The following NBAS variants were observed in gnomAD, a reference collection of about 807,000 sequenced individuals.
NBAS encodes NAG/BC035112 fusion.
NBAS carries 219 observed loss-of-function variants against 302.5 expected under a neutral mutation model. The observed-to-expected ratio is 0.72, with a 90% CI of 0.65 to 0.81. NBAS has a LOEUF of 0.81. NBAS is among the 30% of genes least tolerant of loss of function. The probability of loss-of-function intolerance (pLI) is 0.00; values close to 1 mark genes in which losing one functional copy is unlikely to be tolerated. For missense variants in NBAS, 2,932 were observed against 2,841.6 expected (o/e 1.03, Z -0.72); for synonymous variants, 1,118 against 1,021.6 (o/e 1.09, Z -1.80).
chr2:15,294,731 C>G (rs1337952498), intron 40 of NBAS, among the ~76,000 whole-genome samples: 2 of 152,164 alleles, frequency 1.3e-5, no homozygotes, highest in Non-Finnish European at 2.9e-5. Flanking sequence ...GACCAAATAT[C>G]CAATGATCAT....
At chr2:15,112,724 C>T in the NBAS span, among the ~76,000 whole-genome samples, 4 of 64,256 alleles carry the variant, frequency 6.2e-5, no homozygotes, top group Non-Finnish European at 1.3e-4. Flanking sequence ...AGTGGAGTAA[C>T]ATATTTGAAA....
chr2:15,513,603 TG>T (rs1662243146), intron 9 of NBAS, among the ~76,000 whole-genome samples: 1 of 148,926 alleles, frequency 6.7e-6, no homozygotes, highest in African/African-American at 2.5e-5. Flanking sequence ...ATAAATGGCC[TG>T]GGTTTTTTTT....
At chr2:15,266,722 C>A (rs1486195836) in intron 44 of NBAS, among the ~76,000 whole-genome samples, 1 of 152,052 alleles carries the variant, frequency 6.6e-6, no homozygotes, top group Non-Finnish European at 1.5e-5. Context: ...ATTGTAGGGT[C>A]CTAGGGCTTC....
At chr2:15,472,650 G>A (rs1369268556) in intron 16 of NBAS, among the ~76,000 whole-genome samples, 1 of 152,006 alleles carries the variant, frequency 6.6e-6, no homozygotes, top group African/African-American at 2.4e-5. Context: ...CTTGGCAACC[G>A]TGGACCAGCC....
At chr2:15,198,585 A>C (rs542831560) in intron 48 of NBAS, among the ~76,000 whole-genome samples, 3 of 152,314 alleles carry the variant, frequency 2.0e-5, no homozygotes, top group African/African-American at 7.2e-5. Flanking sequence ...GGGCCAGAAC[A>C]TGAGGACAAC....
the NBAS span, among the ~76,000 whole-genome samples, chr2:15,073,850 A>G: frequency 6.6e-6 from 1 of 152,176 alleles, no homozygotes; most frequent in South Asian, 2.1e-4. Context: ...TCATCGTGTT[A>G]ATCGGCATTC....
chr2:15,269,073 C>T (rs1184093805), intron 44 of NBAS, among the ~76,000 whole-genome samples: 5 of 152,232 alleles, frequency 3.3e-5, no homozygotes, highest in Middle Eastern at 6.8e-3. Flanking sequence ...AAAAGTGGCA[C>T]ATGAGTGGGA....
intron 22 of NBAS, among the ~76,000 whole-genome samples, chr2:15,425,889 G>C (rs559369643): frequency 2.6e-5 from 4 of 152,244 alleles, no homozygotes; most frequent in Admixed American, 2.6e-4. Flanking sequence ...CCCCTCGTCA[G>C]TCTGCTGTCA....
At chr2:15,037,252 G>A in the NBAS span, among the ~76,000 whole-genome samples, 3 of 152,278 alleles carry the variant, frequency 2.0e-5, 1 homozygote, top group South Asian at 6.2e-4. Flanking sequence ...GGCTGGCCTG[G>A]GAATGCAAGG....
chr2:15,284,949 AC>A (rs1391743176), intron 42 of NBAS, among the ~76,000 whole-genome samples: 1 of 152,078 alleles, frequency 6.6e-6, no homozygotes, highest in Non-Finnish European at 1.5e-5. Flanking sequence ...CTTGCACATC[AC>A]TCGATTGCCT....
Position 15,522,709 on chromosome 2 carries a change from G to T in NBAS, c.747-11359C>A, listed in dbSNP as rs556663038. Among the ~76,000 whole-genome samples, 8 of 152,346 alleles carry T rather than the reference G, an allele frequency of 5.3e-5. No individual in the cohort carries two copies. In the East Asian group the frequency reaches 1.5e-3, roughly 29 times the overall value. ...ACCAAGTTTAACGTAGGAGCGATAT[G>T]CAGTTGACCCCTGAATACCACAGGG... On this transcript the variant is annotated intron_variant, in intron 9 of 51. Coordinates refer to ENST00000281513, the MANE Select transcript of NBAS (RefSeq NM_015909.4).
At chr2:15,323,787 A>G (rs903198165) in intron 38 of NBAS, among the ~76,000 whole-genome samples, 1 of 151,970 alleles carries the variant, frequency 6.6e-6, no homozygotes, top group African/African-American at 2.4e-5. Context: ...GTGAGCCACA[A>G]TCACGCCACT....
At chr2:14,867,644 T>C in the NBAS span, among the ~76,000 whole-genome samples, 1 of 152,198 alleles carries the variant, frequency 6.6e-6, no homozygotes, top group African/African-American at 2.4e-5. Context: ...AATTAGAATA[T>C]GTAATAGATC....
intron 21 of NBAS, among the ~76,000 whole-genome samples, chr2:15,459,895 C>T (rs6431706): frequency 0.61 from 92,006 of 151,988 alleles, 28,828 homozygotes; most frequent in Non-Finnish European, 0.68. Context: ...AAAGTAAATA[C>T]GGGTTCAAAT....
At chr2:15,314,128 T>C (rs1486991902) in intron 38 of NBAS, among the ~76,000 whole-genome samples, 1 of 151,980 alleles carries the variant, frequency 6.6e-6, no homozygotes, top group East Asian at 1.9e-4. Flanking sequence ...CCGAGGCAGG[T>C]GGATCACTTG....
chr2:14,885,878 G>T, the NBAS span, among the ~76,000 whole-genome samples: 1 of 152,196 alleles, frequency 6.6e-6, no homozygotes, highest in East Asian at 1.9e-4. Flanking sequence ...TTGACATGTG[G>T]TAATCCTAAA....
At chr2:15,356,474 A>T (rs1673629116) in intron 32 of NBAS, 58 bp from the exon 33 acceptor site, 1 of 1,161,662 alleles carries the variant, frequency 8.6e-7, no homozygotes, top group South Asian at 1.2e-5. Flanking sequence ...TTGATAGAAG[A>T]GCTTGTTAAC....
the NBAS span, among the ~76,000 whole-genome samples, chr2:15,122,360 T>G: frequency 6.6e-6 from 1 of 152,106 alleles, no homozygotes; most frequent in East Asian, 1.9e-4. Flanking sequence ...GGGAAGCCCA[T>G]GCATGACATG....
At chr2:15,311,783 A>T (rs930866826) in intron 38 of NBAS, among the ~76,000 whole-genome samples, 1 of 152,132 alleles carries the variant, frequency 6.6e-6, no homozygotes, top group South Asian at 2.1e-4. Context: ...GAGAGGATTC[A>T]GAGTCACAGT....
Sources: allele counts gnomAD v4.1 joint callset (sites outside exome capture counted in the v4.1 genomes callset), GRCh38; gene constraint gnomAD v4.1.1; transcripts MANE v1.5; gene names NCBI Gene and HGNC (gene_info 2026-07-23, HGNC 2026-07-21).